SMCO4: variants seen among roughly 807,000 people sequenced by gnomAD.
SMCO4 encodes single-pass membrane and coiled-coil domain-containing protein 4.
SMCO4 carries 4 observed loss-of-function variants against 3.6 expected under a neutral mutation model. That is an observed-to-expected ratio of 1.11 (90% CI 0.54 to 2.53). SMCO4 has a LOEUF of 2.53. Among genes scored for constraint, SMCO4 ranks in the 30% most tolerant of loss-of-function variants. The pLI is 0.02. For missense variants in SMCO4, 70 were observed against 80.8 expected, an observed-to-expected ratio of 0.87 and a Z score of 0.51; for synonymous variants, 36 against 35.3, an observed-to-expected ratio of 1.02 and a Z score of -0.07.
intron 2 of SMCO4, among the ~76,000 whole-genome samples, chr11:93,497,656 TG>T (rs1292463422): frequency 1.3e-5 from 2 of 151,566 alleles, no homozygotes; most frequent in Admixed American, 1.3e-4. Flanking sequence ...ATCAGATGGT[TG>T]GGGGGAACTG....
intron 2 of SMCO4, among the ~76,000 whole-genome samples, chr11:93,493,765 T>C (rs1022263836): frequency 8.5e-5 from 13 of 152,208 alleles, no homozygotes; most frequent in African/African-American, 2.4e-4. Context: ...TGTCTGCACA[T>C]AGTGGGAGAA....
chr11:93,516,752 T>G (rs932732872), intron 1 of SMCO4, among the ~76,000 whole-genome samples: 2 of 151,614 alleles, frequency 1.3e-5, no homozygotes, highest in African/African-American at 4.9e-5. Context: ...ATCGTGCCAT[T>G]GCACTCCAGC....
chr11:93,533,313 T>A (rs562908166), intron 1 of SMCO4, among the ~76,000 whole-genome samples: 33 of 152,282 alleles, frequency 2.2e-4, no homozygotes, highest in African/African-American at 7.5e-4. Flanking sequence ...ACTGTAGGAA[T>A]AGAAGAACAT....
chr11:93,546,581 G>A (rs1388378627), upstream of SMCO4, among the ~76,000 whole-genome samples: 2 of 152,178 alleles, frequency 1.3e-5, no homozygotes, highest in Non-Finnish European at 2.9e-5. Context: ...GAAAACTGGG[G>A]CTAAGAGAAA....
rs138537468 is a variant in SMCO4, at chr11:93,499,854, G to A, written c.-153-506C>T. 2.9e-3 allele frequency among the ~76,000 whole-genome samples: 440 copies of A among 152,292 alleles called. 1 individual carries two copies. Among genetic ancestry groups the A allele is most frequent in the African/African-American group, 0.01 (422 of 41,556 alleles). On this transcript the variant is annotated intron_variant, in intron 1 of 2. Coordinates refer to ENST00000298966, the MANE Select transcript of SMCO4 (RefSeq NM_020179.3). Reference sequence around the variant, plus strand: ...AAGTGACCCAGGCATCCGAACTACCGTCCCATAACATCAGAGAGGAAAGGA... The same window carrying A: ...AAGTGACCCAGGCATCCGAACTACCATCCCATAACATCAGAGAGGAAAGGA...
chr11:93,488,513 G>T (rs1948676367), intron 2 of SMCO4, among the ~76,000 whole-genome samples: 1 of 152,210 alleles, frequency 6.6e-6, no homozygotes. Flanking sequence ...CACTTTGAAG[G>T]CAGAGGCATA....
intron 1 of SMCO4, 80 bp downstream of exon 1, chr11:93,543,189 CGCCCGGT>C (rs1252607253): frequency 3.1e-5 from 4 of 127,078 alleles, no homozygotes; most frequent in South Asian, 2.4e-4. Context: ...GCCGCACCCC[CGCCCGGT>C]GCCCGGTGCC....
chr11:93,494,985 A>T (rs1280666157), intron 2 of SMCO4, among the ~76,000 whole-genome samples: 4 of 151,662 alleles, frequency 2.6e-5, no homozygotes, highest in African/African-American at 7.3e-5. Context: ...CACAGCAGCG[A>T]CCCTCCTCAG....
At chr11:93,497,586 G>A (rs1168302657) in intron 2 of SMCO4, among the ~76,000 whole-genome samples, 1 of 152,050 alleles carries the variant, frequency 6.6e-6, no homozygotes, top group Non-Finnish European at 1.5e-5. Flanking sequence ...GGAACACTGA[G>A]GGTAGAGACG....
intron 1 of SMCO4, among the ~76,000 whole-genome samples, chr11:93,506,732 C>A (rs933996579): frequency 6.6e-6 from 1 of 152,292 alleles, no homozygotes; most frequent in Admixed American, 6.5e-5. Flanking sequence ...TGAGCCACCA[C>A]GCCTGTCCTT....
chr11:93,516,682 C>G (rs576338229), intron 1 of SMCO4, among the ~76,000 whole-genome samples: 1 of 151,610 alleles, frequency 6.6e-6, no homozygotes, highest in Non-Finnish European at 1.5e-5. Context: ...CCCAGCTACC[C>G]GGGAGGCTGA....
Position 93,478,751 on chromosome 11 carries a change from AC to A in SMCO4, c.*258del. On this transcript the variant is annotated 3_prime_UTR_variant, in exon 3 of 3. Transcript: ENST00000298966. ...CACACACACACACACACACACACAC[AC>A]ATGCGCGCGCGCTTTGAAGTCTGAA... The A allele has an allele frequency of 7.6e-5, 50 of 657,020 alleles. No homozygotes were observed. The highest frequency in any genetic ancestry group is 1.6e-4 in the South Asian group (4 of 25,578). 40.7% of individuals were successfully genotyped at this position (657,020 alleles called of 1,614,324 possible).
chr11:93,523,910 C>T lies in SMCO4; in HGVS notation c.-154+19366G>A, dbSNP rs377283380. On this transcript the variant is annotated intron_variant, in intron 1 of 2. Coordinates refer to ENST00000298966, the MANE Select transcript of SMCO4 (RefSeq NM_020179.3). ...TGAAGCATATATCAGCACCCCATTC[C>T]AAAACCAAAAGAATGAGAAAACCTT... 8.5e-5 allele frequency among the ~76,000 whole-genome samples: 13 copies of T among 152,222 alleles called. No homozygotes were observed. In the South Asian group the frequency reaches 1.7e-3, roughly 19 times the overall value.
intron 2 of SMCO4, among the ~76,000 whole-genome samples, chr11:93,485,665 G>C (rs1948640129): frequency 6.6e-6 from 1 of 152,234 alleles, no homozygotes; most frequent in Non-Finnish European, 1.5e-5. Flanking sequence ...GGGCTGGCAT[G>C]ATGCCTTTTA....
intron 1 of SMCO4, chr11:93,523,335 A>AC (rs1238297953): frequency 6.6e-6 from 1 of 151,462 alleles, no homozygotes; most frequent in African/African-American, 2.4e-5. Flanking sequence ...AAAAAGACTT[A>AC]CCCACTAGAC....
intron 1 of SMCO4, among the ~76,000 whole-genome samples, chr11:93,503,745 C>T (rs995298115): frequency 2.0e-5 from 3 of 152,148 alleles, no homozygotes; most frequent in African/African-American, 7.2e-5. Context: ...AGGAGTGGAA[C>T]AGATTCTCCC....
At chr11:93,548,379 A>T (rs1161847396), upstream of SMCO4, among the ~76,000 whole-genome samples, 4 of 152,224 alleles carry the variant, frequency 2.6e-5, no homozygotes, top group African/African-American at 9.6e-5. Flanking sequence ...GAAATCTGAA[A>T]GCCTCAGAAA....
At chr11:93,494,841 T>A (rs1303741815) in intron 2 of SMCO4, among the ~76,000 whole-genome samples, 6 of 152,176 alleles carry the variant, frequency 3.9e-5, no homozygotes, top group Non-Finnish European at 8.8e-5. Flanking sequence ...TAGTATTTAA[T>A]TCTACAGTGG....
Position 93,487,947 on chromosome 11 carries a change from T to C in SMCO4, c.-80-8678A>G, listed in dbSNP as rs1264258664. Among the ~76,000 whole-genome samples the C allele has an allele frequency of 2.0e-5, 3 of 152,192 alleles. No homozygotes were observed. In the East Asian group the frequency reaches 5.8e-4, roughly 29 times the overall value. On this transcript the variant is annotated intron_variant, in intron 2 of 2. Coordinates refer to ENST00000298966, the MANE Select transcript of SMCO4 (RefSeq NM_020179.3). ...GCATACCCTGTATGTCAGGGGACAATGTTGAGGATGCAGCTATGAACAAAA... is the reference window on the plus strand; with the variant it reads ...GCATACCCTGTATGTCAGGGGACAACGTTGAGGATGCAGCTATGAACAAAA...
Sources: gnomAD v4.1 joint callset for allele counts (sites outside exome capture counted in the v4.1 genomes callset) on GRCh38, gnomAD v4.1.1 for gene constraint, MANE v1.5 for transcripts, NCBI Gene and HGNC (gene_info 2026-07-23, HGNC 2026-07-21) for gene names.